The following AUTS2 variants were observed in gnomAD, a reference collection of about 807,000 sequenced individuals.
The protein encoded by AUTS2 is autism susceptibility gene 2 protein.
AUTS2 carries 17 observed loss-of-function variants against 112.4 expected under a neutral mutation model. The ratio of observed to expected loss-of-function variants is 0.15; its 90% CI spans 0.10 to 0.23. The LOEUF (loss-of-function observed/expected upper bound fraction) is 0.23. Ranked by LOEUF, AUTS2 falls within the 10% of genes least tolerant of loss-of-function variation. AUTS2 has a pLI of 1.00. For missense variants in AUTS2, 1,510 were observed against 1,701.6 expected (o/e 0.89, Z 1.98); for synonymous variants, 751 against 702.7 (o/e 1.07, Z -1.09).
chr7:69,735,801 G>A (rs1254361354), intron 1 of AUTS2, among the ~76,000 whole-genome samples: 2 of 152,224 alleles, frequency 1.3e-5, no homozygotes, highest in Non-Finnish European at 2.9e-5. Flanking sequence ...TAGACAGCCA[G>A]TGCAGGGGAC....
chr7:69,796,672 T>C (rs1584259272), intron 1 of AUTS2, among the ~76,000 whole-genome samples: 1 of 152,182 alleles, frequency 6.6e-6, no homozygotes, highest in Non-Finnish European at 1.5e-5. Context: ...ATTGTGGGAA[T>C]ATGTACAGAC....
intron 1 of AUTS2, among the ~76,000 whole-genome samples, chr7:69,890,510 C>T (rs992199927): frequency 1.3e-5 from 2 of 151,912 alleles, no homozygotes; most frequent in African/African-American, 4.8e-5. Flanking sequence ...TAATAAACTG[C>T]CTCAATTCTT....
chr7:70,087,372 C>CTTTTTTTTTTT (rs571292584), intron 2 of AUTS2, among the ~76,000 whole-genome samples: 1 of 137,724 alleles, frequency 7.3e-6, no homozygotes. Flanking sequence ...TTTTCTTTTT[C>CTTTTTTTTTTT]TTTTTTTTTT....
chr7:70,116,260 G>A (rs1805351479), intron 2 of AUTS2, among the ~76,000 whole-genome samples: 1 of 152,168 alleles, frequency 6.6e-6, no homozygotes, highest in African/African-American at 2.4e-5. Flanking sequence ...CCCGGAGAAA[G>A]GGATTTTAGA....
chr7:69,696,617 A>G (rs762812828), intron 1 of AUTS2, among the ~76,000 whole-genome samples: 1 of 152,188 alleles, frequency 6.6e-6, no homozygotes, highest in South Asian at 2.1e-4. Context: ...GAGTGGGGAG[A>G]ATGAGGAGAT....
intron 1 of AUTS2, among the ~76,000 whole-genome samples, chr7:69,848,516 A>C (rs376976065): frequency 7.9e-4 from 120 of 152,304 alleles, no homozygotes; most frequent in African/African-American, 2.4e-3. Context: ...GCACACACAC[A>C]GTGGCTTCCT....
At chr7:70,772,184 C>G (rs1033055921) in intron 11 of AUTS2, among the ~76,000 whole-genome samples, 1 of 152,170 alleles carries the variant, frequency 6.6e-6, no homozygotes, top group Non-Finnish European at 1.5e-5. Context: ...CATTTTGGTC[C>G]TCCTTTCTTT....
chr7:70,678,982 G>A (rs114904602), intron 5 of AUTS2, among the ~76,000 whole-genome samples: 1 of 152,274 alleles, frequency 6.6e-6, no homozygotes, highest in African/African-American at 2.4e-5. Context: ...TGGCAACCAT[G>A]AGGAAAGCTG....
intron 2 of AUTS2, among the ~76,000 whole-genome samples, chr7:69,931,638 G>T (rs1318775459): frequency 6.6e-6 from 1 of 152,140 alleles, no homozygotes; most frequent in Non-Finnish European, 1.5e-5. Flanking sequence ...TCAGTCAGGG[G>T]TTTCTTCCTT....
rs551810808 is a variant in AUTS2, at chr7:70,096,456, G to C, written c.523-21676G>C. On this transcript the variant is annotated intron_variant, in intron 2 of 18. Coordinates refer to ENST00000342771, the MANE Select transcript of AUTS2 (RefSeq NM_015570.4). ...TACTAAAAATACAAAAAATTAGCTGGGCATGGTGGCGGGCGCCTGTAATCC... is the reference window on the plus strand; with the variant it reads ...TACTAAAAATACAAAAAATTAGCTGCGCATGGTGGCGGGCGCCTGTAATCC... Among the ~76,000 whole-genome samples the C allele has an allele frequency of 2.0e-5, 3 of 151,812 alleles. No individual in the cohort carries two copies. The East Asian group carries it at 5.8e-4, about 29-fold the overall frequency.
At chr7:69,902,170 TG>T (rs1794995765) in intron 2 of AUTS2, among the ~76,000 whole-genome samples, 1 of 152,082 alleles carries the variant, frequency 6.6e-6, no homozygotes, top group African/African-American at 2.4e-5. Context: ...AGTGGTCCAT[TG>T]TGTGTCAGTC....
chr7:70,153,064 C>T (rs566561743), intron 4 of AUTS2, among the ~76,000 whole-genome samples: 2 of 152,234 alleles, frequency 1.3e-5, no homozygotes, highest in South Asian at 4.2e-4. Flanking sequence ...CCATTCCAAT[C>T]CTGGGTTTTT....
chr7:70,667,915 A>G (rs1298136624), intron 5 of AUTS2, among the ~76,000 whole-genome samples: 3 of 152,208 alleles, frequency 2.0e-5, no homozygotes, highest in Non-Finnish European at 4.4e-5. Flanking sequence ...AGTAATTCCC[A>G]AACTCTAGCA....
At chr7:70,345,159 A>G (rs1377002725) in intron 4 of AUTS2, among the ~76,000 whole-genome samples, 11 of 152,190 alleles carry the variant, frequency 7.2e-5, no homozygotes, top group Admixed American at 3.9e-4. Context: ...ATTGTAGCAT[A>G]ACTTAGACTT....
At chr7:70,759,933 A>G (rs1789452011) in intron 6 of AUTS2, among the ~76,000 whole-genome samples, 1 of 152,156 alleles carries the variant, frequency 6.6e-6, no homozygotes, top group Non-Finnish European at 1.5e-5. Context: ...ATTTGAATGT[A>G]TACTTACCAA....
intron 5 of AUTS2, among the ~76,000 whole-genome samples, chr7:70,656,136 A>G (rs1482237088): frequency 1.3e-5 from 2 of 151,938 alleles, no homozygotes; most frequent in African/African-American, 4.8e-5. Context: ...ACCTCTGTCT[A>G]TCCCTTTTGG....
At chr7:69,675,189 A>G (rs1311169107) in intron 1 of AUTS2, among the ~76,000 whole-genome samples, 1 of 152,130 alleles carries the variant, frequency 6.6e-6, no homozygotes, top group Non-Finnish European at 1.5e-5. Context: ...TAAATAGCCT[A>G]AGTGTGAGAT....
At chr7:69,917,293 T>C (rs1246751932) in intron 2 of AUTS2, among the ~76,000 whole-genome samples, 8 of 151,004 alleles carry the variant, frequency 5.3e-5, no homozygotes, top group East Asian at 1.9e-4. Context: ...TTTTTTCTTT[T>C]TTTTTTTTTT....
intron 5 of AUTS2, among the ~76,000 whole-genome samples, chr7:70,686,327 T>A (rs1263285115): frequency 6.6e-6 from 1 of 152,186 alleles, no homozygotes; most frequent in Non-Finnish European, 1.5e-5. Context: ...GTAGGTGATG[T>A]TATGGCCATA....
Sources: gnomAD v4.1 joint callset for allele counts (sites outside exome capture counted in the v4.1 genomes callset) on GRCh38, gnomAD v4.1.1 for gene constraint, MANE v1.5 for transcripts, NCBI Gene and HGNC (gene_info 2026-07-23, HGNC 2026-07-21) for gene names.